Variants in TENM1 observed in about 807,000 individuals in gnomAD.
The protein encoded by TENM1 is teneurin transmembrane protein 1, also known as teneurin-1.
Under a neutral mutation model 174.8 loss-of-function variants are expected in TENM1, and 35 were observed. The ratio of observed to expected loss-of-function variants is 0.20; its 90% CI spans 0.15 to 0.27. The LOEUF (loss-of-function observed/expected upper bound fraction) is 0.27. TENM1 is among the 10% of genes least tolerant of loss of function. The pLI is 1.00. For synonymous variants in TENM1, 781 were observed against 798.7 expected (o/e 0.98, Z 0.37); for missense variants, 1,633 against 2,130.1 (o/e 0.77, Z 4.59).
At chrX:124,941,176 A>G (rs2058320215) in intron 1 of TENM1, among the ~76,000 whole-genome samples, 1 of 111,522 alleles carries the variant, frequency 9.0e-6, no homozygotes, top group African/African-American at 3.3e-5. Context: ...TTATTTATCA[A>G]CCCACTGAAA....
intron 3 of TENM1, among the ~76,000 whole-genome samples, chrX:124,824,878 C>T (rs1292309030): frequency 9.0e-6 from 1 of 111,013 alleles, no homozygotes. Context: ...GATTCATGTT[C>T]CTCTTTAGGG....
the TENM1 span, among the ~76,000 whole-genome samples, chrX:125,152,125 C>T: frequency 9.1e-6 from 1 of 109,770 alleles, no homozygotes. Context: ...CATGGTGGTG[C>T]ACACCTGTAA....
At chrX:124,753,992 T>A (rs1281195514) in intron 3 of TENM1, among the ~76,000 whole-genome samples, 2 of 111,958 alleles carry the variant, frequency 1.8e-5, no homozygotes, top group Non-Finnish European at 3.8e-5. Context: ...ATCAGGATGA[T>A]ACTGGCCTCA....
the TENM1 span, among the ~76,000 whole-genome samples, chrX:124,985,508 G>T: frequency 9.0e-6 from 1 of 111,730 alleles, no homozygotes; most frequent in East Asian, 2.8e-4. Context: ...TATATCTTTA[G>T]GGTATCCTGA....
At position 124,478,529 on chromosome X, in the gene TENM1, G is replaced by A. The variant is rs527351130; in HGVS notation, c.3949+3203C>T. Among the ~76,000 whole-genome samples, 73 of 112,261 alleles carry A rather than the reference G, an allele frequency of 6.5e-4. No individual in the cohort carries two copies. The South Asian group carries it at 0.012, about 19-fold the overall frequency. On this transcript the variant is annotated intron_variant, in intron 22 of 31. Coordinates refer to ENST00000422452, the Ensembl canonical transcript of TENM1. ...AGATTTAGAGAGTAAATTAGCTGTC[G>A]TACAGATTAACATTTATTTGACTTA...
At chrX:124,948,900 A>G (rs1254920621) in intron 1 of TENM1, among the ~76,000 whole-genome samples, 1 of 112,017 alleles carries the variant, frequency 8.9e-6, no homozygotes, top group Non-Finnish European at 1.9e-5. Flanking sequence ...GTTTCATAGC[A>G]GCTTAATTGG....
At chrX:124,574,865 A>G (rs2049131659) in intron 11 of TENM1, among the ~76,000 whole-genome samples, 1 of 111,970 alleles carries the variant, frequency 8.9e-6, no homozygotes, top group South Asian at 3.7e-4. Context: ...AACAGTAAAC[A>G]TTATTACAAA....
At chrX:125,052,712 A>C in the TENM1 span, among the ~76,000 whole-genome samples, 2 of 112,273 alleles carry the variant, frequency 1.8e-5, no homozygotes, top group African/African-American at 6.5e-5. Context: ...CAGTGGACAC[A>C]TCTCTCAAAT....
chrX:125,159,997 C>G, the TENM1 span, among the ~76,000 whole-genome samples: 2 of 107,621 alleles, frequency 1.9e-5, no homozygotes, highest in Non-Finnish European at 3.8e-5. Context: ...GTCAGGAGTT[C>G]AAGACTAGCC....
chrX:124,432,328 GGCAGAGACT>G (rs2060788403), intron 23 of TENM1, among the ~76,000 whole-genome samples: 1 of 111,616 alleles, frequency 9.0e-6, no homozygotes, highest in African/African-American at 3.3e-5. Context: ...AAATTCCTGT[GGCAGAGACT>G]GCTGGTTCTA....
intron 3 of TENM1, among the ~76,000 whole-genome samples, chrX:124,786,405 A>G (rs1047904774): frequency 5.4e-5 from 6 of 112,053 alleles, no homozygotes; most frequent in South Asian, 3.7e-4. Context: ...CACAAAACAA[A>G]GAGTCTCCCT....
intron 3 of TENM1, among the ~76,000 whole-genome samples, chrX:124,826,969 C>A (rs374306333): frequency 8.9e-6 from 1 of 111,982 alleles, no homozygotes; most frequent in East Asian, 2.8e-4. Context: ...TCAGTTCTCT[C>A]CAAATTACAG....
chrX:125,166,949 G>T, the TENM1 span, among the ~76,000 whole-genome samples: 1 of 111,697 alleles, frequency 9.0e-6, no homozygotes, highest in East Asian at 2.8e-4. Context: ...AGCAGCTTTA[G>T]GTGACCAAGC....
At chrX:124,629,472 G>T (rs1973897227) in intron 11 of TENM1, among the ~76,000 whole-genome samples, 1 of 112,203 alleles carries the variant, frequency 8.9e-6, no homozygotes, top group African/African-American at 3.2e-5. Context: ...ATTTGTCTTT[G>T]AAATGTGTCT....
chrX:125,046,388 T>A, the TENM1 span, among the ~76,000 whole-genome samples: 2 of 112,063 alleles, frequency 1.8e-5, no homozygotes, highest in African/African-American at 6.5e-5. Context: ...GCATTTCTAG[T>A]GGGGAGAAAA....
chrX:124,910,369 T>C (rs1411825306), intron 1 of TENM1, among the ~76,000 whole-genome samples: 2 of 112,240 alleles, frequency 1.8e-5, no homozygotes, highest in East Asian at 5.6e-4. Context: ...TCTATATACA[T>C]GAATGCATGT....
At chrX:124,394,823 T>C (rs938848047) in intron 27 of TENM1, among the ~76,000 whole-genome samples, 34 of 112,519 alleles carry the variant, frequency 3.0e-4, no homozygotes, top group African/African-American at 7.1e-4. Context: ...GCATTCCTTG[T>C]GTTATTCAAT....
At chrX:124,383,708 T>C (rs753420110) in exon 30 of TENM1, 9 of 1,207,837 alleles carry the variant, frequency 7.5e-6, no homozygotes, top group Non-Finnish European at 1.0e-5. Context: ...GTTGAATGGT[T>C]TAGGAAGGAG....
intron 3 of TENM1, among the ~76,000 whole-genome samples, chrX:124,859,758 C>T (rs1049603743): frequency 9.0e-6 from 1 of 111,372 alleles, no homozygotes; most frequent in African/African-American, 3.3e-5. Context: ...GTCCATATCC[C>T]TCTTGGGTTA....
Sources: allele counts gnomAD v4.1 joint callset (sites outside exome capture counted in the v4.1 genomes callset), GRCh38; gene constraint gnomAD v4.1.1; transcripts MANE v1.5; gene names NCBI Gene and HGNC (gene_info 2026-07-23, HGNC 2026-07-21).